DLG5: variants seen among roughly 807,000 people sequenced by gnomAD.
DLG5 encodes disks large homolog 5.
DLG5 carries 48 observed loss-of-function variants against 189.8 expected under a neutral mutation model. The observed-to-expected ratio is 0.25, with a 90% CI of 0.20 to 0.32. The LOEUF is 0.32. Ranked by LOEUF, DLG5 falls within the 10% of genes least tolerant of loss-of-function variation. The pLI is 1.00. For synonymous variants in DLG5, 1,016 were observed against 1,054.1 expected (o/e 0.96, Z 0.70); for missense variants, 2,160 against 2,544.7 (o/e 0.85, Z 3.25).
Position 77,817,772 on chromosome 10 carries a change from GT to G in DLG5, c.3784+4del, listed in dbSNP as rs771987115. The G allele has an allele frequency of 1.5e-4, 228 of 1,552,388 alleles. No individual in the cohort carries two copies. The highest frequency in any genetic ancestry group is 1.9e-4 in the Non-Finnish European group (222 of 1,147,104). On this transcript the variant is annotated splice_donor_region_variant and intron_variant, in intron 18 of 31. Coordinates refer to ENST00000372391, the MANE Select transcript of DLG5 (RefSeq NM_004747.4). ...TGCAGCACAAAGTCCAAGTGGTGCA[GT>G]TACCCAGGCGGGCGCTGGAGGGCAG...
At chr10:77,910,708 A>G (rs893308162) in intron 1 of DLG5, among the ~76,000 whole-genome samples, 1 of 152,208 alleles carries the variant, frequency 6.6e-6, no homozygotes, top group Non-Finnish European at 1.5e-5. Flanking sequence ...GTCGTGGTTC[A>G]CATCTGTAAT....
chr10:77,905,818 C>A (rs1372786048), intron 1 of DLG5, among the ~76,000 whole-genome samples: 1 of 152,202 alleles, frequency 6.6e-6, no homozygotes, highest in Non-Finnish European at 1.5e-5. Context: ...CCTCCCCTCA[C>A]CCACAGTCAA....
chr10:77,869,958 G>A (rs183252494), intron 1 of DLG5, among the ~76,000 whole-genome samples: 50 of 152,178 alleles, frequency 3.3e-4, no homozygotes, highest in African/African-American at 1.1e-3. Context: ...CTGTTTCCTG[G>A]TCTGCAAAAT....
chr10:77,832,933 G>C (rs1465428309), intron 9 of DLG5, among the ~76,000 whole-genome samples: 1 of 152,132 alleles, frequency 6.6e-6, no homozygotes, highest in Non-Finnish European at 1.5e-5. Context: ...AATAAATGGA[G>C]CTCTTTGTCT....
At chr10:77,873,426 T>A (rs146966514) in intron 1 of DLG5, among the ~76,000 whole-genome samples, 66 of 152,198 alleles carry the variant, frequency 4.3e-4, no homozygotes, top group African/African-American at 1.4e-3. Context: ...GCCAGCCTGG[T>A]GACCCTCTGG....
At chr10:77,883,691 C>CTTTTTTTTT (rs36028891) in intron 1 of DLG5, among the ~76,000 whole-genome samples, 4 of 96,458 alleles carry the variant, frequency 4.1e-5, no homozygotes, top group East Asian at 3.1e-4. Context: ...TAACATTGTT[C>CTTTTTTTTT]TTTTTTTTTT....
chr10:77,899,031 TCTGAAGATGGCTTTC>T, intron 1 of DLG5, among the ~76,000 whole-genome samples: 1 of 152,290 alleles, frequency 6.6e-6, no homozygotes, highest in Middle Eastern at 3.4e-3. Flanking sequence ...CATGGCCCAA[TCTGAAGATGGCTTTC>T]CTCTGAATTC....
chr10:77,910,158 C>T (rs1036679711), intron 1 of DLG5, among the ~76,000 whole-genome samples: 2 of 152,150 alleles, frequency 1.3e-5, no homozygotes, highest in Admixed American at 6.5e-5. Flanking sequence ...AATGAATGGA[C>T]GAATGCTGTG....
At chr10:77,863,719 C>T (rs1428769592) in intron 2 of DLG5, among the ~76,000 whole-genome samples, 1 of 152,174 alleles carries the variant, frequency 6.6e-6, no homozygotes, top group Non-Finnish European at 1.5e-5. Context: ...GAGAAGGAGG[C>T]AGATTGTCCT....
At position 77,821,418 on chromosome 10, in the gene DLG5, A is replaced by T. The variant is rs1176939713; in HGVS notation, c.3066T>A (p.Ile1022=). The change falls in exon 15 of 32, where the codon ATT becomes ATA. Residue 1022 remains isoleucine, a synonymous_variant. Transcript: ENST00000372391. ...TAGTCTCCAGCCTGTGCTGGAACTT[A>T]ATGGAGTCGCTCCTTCTGGGAGGTT... ...PPKPPRRSDS[I]KFQHRLETSS... 1 of 1,612,440 alleles carries T rather than the reference A, an allele frequency of 6.2e-7. No homozygotes were observed. The highest frequency in any genetic ancestry group is 8.5e-7 in the Non-Finnish European group (1 of 1,179,932).
At chr10:77,891,323 G>A (rs892202775) in intron 1 of DLG5, among the ~76,000 whole-genome samples, 3 of 152,168 alleles carry the variant, frequency 2.0e-5, no homozygotes, top group Admixed American at 2.0e-4. Flanking sequence ...GCCGCAAGGA[G>A]CTCCCAATTT....
intron 3 of DLG5, among the ~76,000 whole-genome samples, chr10:77,854,815 G>A (rs888656728): frequency 1.3e-5 from 2 of 151,702 alleles, no homozygotes; most frequent in Non-Finnish European, 2.9e-5. Flanking sequence ...GTGAAACCCC[G>A]CCTCCACAAA....
At chr10:77,895,631 C>A (rs1283385673) in intron 1 of DLG5, among the ~76,000 whole-genome samples, 1 of 152,202 alleles carries the variant, frequency 6.6e-6, no homozygotes. Flanking sequence ...ACCACAGATT[C>A]TGTAAAAAAA....
chr10:77,853,230 A>G, intron 5 of DLG5, 124 bp downstream of exon 5: 1 of 895,318 alleles, frequency 1.1e-6, no homozygotes, highest in Non-Finnish European at 1.5e-6. Context: ...GGTCTTCCAA[A>G]GCGCTGGGAT....
chr10:77,843,699 T>C lies in DLG5; in HGVS notation c.872A>G (p.Lys291Arg). The C allele has an allele frequency of 1.2e-6, 2 of 1,614,066 alleles. No individual in the cohort carries two copies. The highest frequency in any genetic ancestry group is 1.7e-6 in the Non-Finnish European group (2 of 1,180,014). ...DLRAQQQQVL[K>R]HNGSSEILNK... ...GAGAATCTCGGATGACCCGTTGTGC[T>C]TCAACACCTGGAGACCAGACAGTTT... The change falls in exon 6 of 32, where the codon AAG (lysine) becomes AGG (arginine). Residue 291 changes from lysine to arginine, a missense_variant. By Grantham distance (26) the Lys-to-Arg change is conservative (BLOSUM62 2). Around this residue, in one of 5 missense-constraint regions of DLG5, gnomAD observed 664 missense variants for 838.5 expected, o/e 0.79. Transcript: ENST00000372391.
At position 77,811,123 on chromosome 10, in the gene DLG5, G is replaced by A; in HGVS notation, c.4434C>T (p.Ser1478=). 6.2e-7 allele frequency: 1 copy of A among 1,612,204 alleles called. No individual in the cohort carries two copies. Among genetic ancestry groups the A allele is most frequent in the Non-Finnish European group, 8.5e-7 (1 of 1,179,992 alleles). ...DPLMEQDEGP[S]TPPAKQSSSR... The stretch of plus-strand genomic sequence containing the variant: ...AGCTGCTCTGCTTGGCTGGGGGGGT[G>A]CTAGGCCCCTCGTCCTGCTCCATCA... The change falls in exon 23 of 32, where the codon AGC becomes AGT. Residue 1478 remains serine (S), a synonymous_variant. Coordinates refer to ENST00000372391, the MANE Select transcript of DLG5 (RefSeq NM_004747.4).
chr10:77,791,441 T>A lies in DLG5; in HGVS notation c.*999A>T, dbSNP rs1293584427. The A allele has an allele frequency of 6.6e-6, 1 of 152,332 alleles. No homozygotes were observed. The highest frequency in any genetic ancestry group is 6.5e-5 in the Admixed American group (1 of 15,276). 9.4% of individuals were successfully genotyped at this position (152,332 alleles called of 1,614,324 possible). ...ATTAAAAAGACCTCAGTTTTTCTTT[T>A]TAGACTGTTGATAGTGACAATAACC... On this transcript the variant is annotated 3_prime_UTR_variant, in exon 32 of 32. Coordinates refer to ENST00000372391, the MANE Select transcript of DLG5 (RefSeq NM_004747.4).
intron 1 of DLG5, among the ~76,000 whole-genome samples, chr10:77,871,441 C>CGAG (rs1844892920): frequency 6.6e-6 from 1 of 152,046 alleles, no homozygotes; most frequent in Non-Finnish European, 1.5e-5. Context: ...ACCCATGCTC[C>CGAG]ACCTCCCATA....
chr10:77,912,451 T>C (rs1354106971), intron 1 of DLG5: 1 of 151,916 alleles, frequency 6.6e-6, no homozygotes, highest in Non-Finnish European at 1.5e-5. Context: ...CTGATTAGCA[T>C]AGCACACTAC....
Sources: gnomAD v4.1 joint callset for allele counts (sites outside exome capture counted in the v4.1 genomes callset) on GRCh38, gnomAD v4.1.1 for gene constraint, gnomAD v4.1.1 regional missense constraint, MANE v1.5 for transcripts, NCBI Gene and HGNC (gene_info 2026-07-23, HGNC 2026-07-21) for gene names.